The following JCAD variants were observed in gnomAD, a reference collection of about 807,000 sequenced individuals.
JCAD encodes the protein junctional cadherin 5-associated protein.
JCAD carries 40 observed loss-of-function variants against 98.0 expected under a neutral mutation model. The ratio of observed to expected loss-of-function variants is 0.41; its 90% CI spans 0.32 to 0.53. JCAD has a LOEUF of 0.53. JCAD is among the 20% of genes least tolerant of loss of function. The pLI is 0.31. For synonymous variants in JCAD, 691 were observed against 682.3 expected (o/e 1.01, Z -0.20); for missense variants, 1,705 against 1,738.1 (o/e 0.98, Z 0.34).
chr10:30,099,402 C>A (rs1482507556), intron 1 of JCAD, among the ~76,000 whole-genome samples: 1 of 152,042 alleles, frequency 6.6e-6, no homozygotes, highest in Admixed American at 6.6e-5. Context: ...GAATGAGTTT[C>A]TTATCTAGTT....
rs985493585 is a variant in JCAD, at chr10:30,013,753, G to C, written c.*4130C>G. ...ATGAACGGCCAGACAATCTGGGCTT[G>C]CCTTTGGGTTTAAGTTTCAGTCACT... On this transcript the variant is annotated 3_prime_UTR_variant, in exon 4 of 4. Transcript: ENST00000375377. The C allele has an allele frequency of 1.3e-5, 2 of 152,242 alleles. No individual in the cohort carries two copies. The highest frequency in any genetic ancestry group is 2.9e-5 in the Non-Finnish European group (2 of 68,078). 9.4% of individuals were successfully genotyped at this position (152,242 alleles called of 1,614,324 possible). A position where few individuals can be genotyped will look rare whatever the true frequency, so the allele number is the denominator to read the frequency against.
chr10:30,027,775 A>G lies in JCAD; in HGVS notation c.2373T>C (p.Leu791=). The G allele has an allele frequency of 6.2e-7, 1 of 1,614,218 alleles. No homozygotes were observed. The highest frequency in any genetic ancestry group is 1.1e-5 in the South Asian group (1 of 91,090). ...CCCGCTTAGGCCCAGGGTGGGCTCC[A>G]AGCCCGTGGACATCCACGCAGGGCT... The part of the protein sequence containing the change: ...RSQPCVDVHG[L]GAHPGPKREV... Residue 791 remains leucine (L), a synonymous_variant, in exon 3 of 4, where the codon CTT becomes CTC. Transcript: ENST00000375377.
intron 2 of JCAD, among the ~76,000 whole-genome samples, chr10:30,036,106 A>G (rs904309703): frequency 5.3e-5 from 8 of 152,198 alleles, no homozygotes; most frequent in African/African-American, 1.4e-4. Flanking sequence ...CTCAACCACA[A>G]TGGAAAATGA....
In JCAD at chr10:30,027,046, C is replaced by G. The variant is rs1193079851; in HGVS notation, c.3102G>C (p.Leu1034=). ...SGGERGAGLP[L]SLSNKNRGLS... is the part of the protein sequence containing the mutation. Reference sequence around the variant, plus strand: ...GCCCTCGGTTCTTGTTAGACAGGGACAGTGGGAGCCCTGCCCCCCTCTCTC... The same window carrying G: ...GCCCTCGGTTCTTGTTAGACAGGGAGAGTGGGAGCCCTGCCCCCCTCTCTC... Residue 1034 remains leucine, a synonymous_variant, in exon 3 of 4, where the codon CTG becomes CTC. Coordinates refer to ENST00000375377, the MANE Select transcript of JCAD (RefSeq NM_020848.4). The G allele has an allele frequency of 1.2e-6, 2 of 1,614,094 alleles. No individual in the cohort carries two copies. Among genetic ancestry groups the G allele is most frequent in the Non-Finnish European group, 1.7e-6 (2 of 1,180,042 alleles).
Position 30,029,291 on chromosome 10 carries a change from C to G in JCAD, c.857G>C (p.Arg286Pro). 1 of 1,613,968 alleles carries G rather than the reference C, an allele frequency of 6.2e-7. No homozygotes were observed. Among genetic ancestry groups the G allele is most frequent in the Non-Finnish European group, 8.5e-7 (1 of 1,180,004 alleles). The change falls in exon 3 of 4, where the codon CGG becomes CCG. Residue 286 changes from arginine to proline, a missense_variant. Physicochemically the swap from Arg to Pro is moderately radical, Grantham distance 103 (BLOSUM62 -2). This residue lies in a region of JCAD where 275 missense variants were observed against 346.9 expected (regional missense o/e 0.79). Coordinates refer to ENST00000375377, the MANE Select transcript of JCAD (RefSeq NM_020848.4). ...EKSGCSAPFP[R>P]PKFGRPLKPP... ...CTTGAGGGGCCTCCCAAACTTAGGC[C>G]GGGGAAATGGGGCTGAGCAGCCACT... is the stretch of plus-strand genomic sequence containing the variant.
intron 1 of JCAD, among the ~76,000 whole-genome samples, chr10:30,098,866 T>G (rs775938400): frequency 1.3e-5 from 2 of 152,252 alleles, no homozygotes; most frequent in Non-Finnish European, 2.9e-5. Flanking sequence ...CTGATTTTTT[T>G]TAAACCTTTG....
intron 1 of JCAD, among the ~76,000 whole-genome samples, chr10:30,083,189 A>G (rs992956102): frequency 1.3e-5 from 2 of 152,188 alleles, no homozygotes; most frequent in Non-Finnish European, 2.9e-5. Flanking sequence ...GAAGAAGGAA[A>G]AAATAATCTC....
In JCAD at chr10:30,022,241, C is replaced by T. The variant is rs79618599; in HGVS notation, c.4045+3862G>A. Among the ~76,000 whole-genome samples, 1,103 of 152,206 alleles carry T rather than the reference C, an allele frequency of 7.2e-3. 14 individuals are homozygous for T. The highest frequency in any genetic ancestry group is 0.042 in the South Asian group (203 of 4,814). ...ACACTTGATGATATGACAGGCACGG[C>T]ACAAGGGTGTGTGTGTAGGGTGGGG... On this transcript the variant is annotated intron_variant, in intron 3 of 3. Coordinates refer to ENST00000375377, the MANE Select transcript of JCAD (RefSeq NM_020848.4).
intron 1 of JCAD, among the ~76,000 whole-genome samples, chr10:30,052,349 T>C (rs1038455678): frequency 6.6e-6 from 1 of 152,218 alleles, no homozygotes; most frequent in Non-Finnish European, 1.5e-5. Context: ...TAGAGGTTCT[T>C]TAGAGTCCTT....
chr10:30,047,303 C>T (rs777482787), intron 2 of JCAD, among the ~76,000 whole-genome samples: 2 of 152,128 alleles, frequency 1.3e-5, no homozygotes, highest in Non-Finnish European at 2.9e-5. Context: ...ACCCTGGAGA[C>T]GGTTGCAGTG....
In JCAD at chr10:30,109,865, T is replaced by G. The variant is rs576671340; in HGVS notation, n.128+5502A>C. Among the ~76,000 whole-genome samples, 6 of 151,712 alleles carry G rather than the reference T, an allele frequency of 4.0e-5. 1 individual carries two copies. In the East Asian group the frequency reaches 1.2e-3, roughly 30 times the overall value. On this transcript the variant is annotated intron_variant and non_coding_transcript_variant, in intron 1 of 2. Coordinates refer to the JCAD transcript ENST00000465712. ...GCTGATGTGTGGACCCCCTGGTTTA[T>G]GAACTAGCTGATCTAGAGACCAGCA...
At chr10:30,106,798 G>T (rs978339669) in intron 1 of JCAD, among the ~76,000 whole-genome samples, 1 of 152,148 alleles carries the variant, frequency 6.6e-6, no homozygotes, top group Non-Finnish European at 1.5e-5. Flanking sequence ...ACCATGCCTG[G>T]CCCGTTGTAG....
chr10:30,035,233 C>T (rs1260219111), intron 2 of JCAD, among the ~76,000 whole-genome samples: 2 of 152,086 alleles, frequency 1.3e-5, no homozygotes, highest in Non-Finnish European at 2.9e-5. Context: ...TCTTCTCCAC[C>T]CAAAAATGTT....
At chr10:30,062,285 C>A (rs1837712745), upstream of JCAD, among the ~76,000 whole-genome samples, 1 of 152,114 alleles carries the variant, frequency 6.6e-6, no homozygotes, top group Non-Finnish European at 1.5e-5. Flanking sequence ...GTTTCTTGAC[C>A]CTGGCTCTTT....
At chr10:30,023,874 T>C (rs1244186640) in intron 3 of JCAD, among the ~76,000 whole-genome samples, 2 of 152,162 alleles carry the variant, frequency 1.3e-5, no homozygotes, top group Admixed American at 6.5e-5. Context: ...AAGGAGTGCT[T>C]TTCTGAACTG....
At chr10:30,093,824 T>C (rs1416165129) in intron 1 of JCAD, among the ~76,000 whole-genome samples, 1 of 152,170 alleles carries the variant, frequency 6.6e-6, no homozygotes, top group East Asian at 1.9e-4. Flanking sequence ...CAGTAAGTAT[T>C]TGCAGATCCA....
chr10:30,033,369 A>G (rs1837041770), intron 2 of JCAD, among the ~76,000 whole-genome samples: 1 of 152,164 alleles, frequency 6.6e-6, no homozygotes, highest in Non-Finnish European at 1.5e-5. Flanking sequence ...CAAACACGTG[A>G]TGTAGGTCTC....
At chr10:30,082,000 A>G (rs187601414) in intron 1 of JCAD, among the ~76,000 whole-genome samples, 3 of 152,206 alleles carry the variant, frequency 2.0e-5, no homozygotes, top group Non-Finnish European at 2.9e-5. Flanking sequence ...CAGTGGGTAC[A>G]TTAAATTTCC....
chr10:30,050,298 C>T (rs751330060), intron 1 of JCAD, among the ~76,000 whole-genome samples: 1 of 111,158 alleles, frequency 9.0e-6, no homozygotes, highest in Admixed American at 1.3e-4. Context: ...CTGAGTGACA[C>T]AGCAAGACCC....
Sources: gnomAD v4.1 joint callset for allele counts (sites outside exome capture counted in the v4.1 genomes callset) on GRCh38, gnomAD v4.1.1 for gene constraint, gnomAD v4.1.1 regional missense constraint, MANE v1.5 for transcripts, NCBI Gene and HGNC (gene_info 2026-07-23, HGNC 2026-07-21) for gene names.